The following FHOD3 variants were observed in gnomAD, a reference collection of about 807,000 sequenced individuals.
The protein encoded by FHOD3 is FH1/FH2 domain-containing protein 3.
In FHOD3, 90 loss-of-function variants were observed where a neutral mutation model predicts 173.0. The observed-to-expected ratio is 0.52, with a 90% CI of 0.44 to 0.62. The LOEUF is 0.62. FHOD3 is among the 20% of genes least tolerant of loss of function. The pLI, the probability that FHOD3 is intolerant of heterozygous loss-of-function variation, is 0.00. For missense variants in FHOD3, 1,945 were observed against 2,034.7 expected (o/e 0.96, Z 0.85); for synonymous variants, 828 against 823.0 (o/e 1.01, Z -0.10).
chr18:36,329,749 A>T (rs1052355324), intron 1 of FHOD3, among the ~76,000 whole-genome samples: 1 of 152,178 alleles, frequency 6.6e-6, no homozygotes, highest in African/African-American at 2.4e-5. Flanking sequence ...GCAATGCAAC[A>T]GATGTCTTGA....
intron 28 of FHOD3, among the ~76,000 whole-genome samples, chr18:36,773,175 C>T (rs1190494061): frequency 1.3e-5 from 2 of 152,212 alleles, no homozygotes; most frequent in Non-Finnish European, 2.9e-5. Context: ...CATTACATGG[C>T]TCTCTGGTGG....
intron 10 of FHOD3, among the ~76,000 whole-genome samples, chr18:36,627,878 G>C (rs1343053897): frequency 6.6e-6 from 1 of 152,130 alleles, no homozygotes; most frequent in African/African-American, 2.4e-5. Flanking sequence ...ATTGTGTTCT[G>C]TCCCCTGCAG....
chr18:36,364,366 C>A (rs916446210), intron 2 of FHOD3, among the ~76,000 whole-genome samples: 2 of 152,184 alleles, frequency 1.3e-5, no homozygotes, highest in Non-Finnish European at 2.9e-5. Flanking sequence ...TGTATCTCAG[C>A]CCCTAGAAAG....
chr18:36,619,667 A>G (rs1029901401), intron 9 of FHOD3, among the ~76,000 whole-genome samples: 1 of 152,248 alleles, frequency 6.6e-6, no homozygotes, highest in South Asian at 2.1e-4. Flanking sequence ...GCCAGGCACT[A>G]TTCTAGCCCT....
intron 1 of FHOD3, among the ~76,000 whole-genome samples, chr18:36,310,455 G>T (rs1389989344): frequency 1.3e-5 from 2 of 152,098 alleles, no homozygotes; most frequent in African/African-American, 4.8e-5. Flanking sequence ...GGAGGTTGAG[G>T]TGGGTGGATC....
intron 1 of FHOD3, among the ~76,000 whole-genome samples, chr18:36,351,889 T>A (rs1286110605): frequency 1.3e-5 from 2 of 152,164 alleles, no homozygotes; most frequent in Non-Finnish European, 2.9e-5. Flanking sequence ...ACTAGTACAT[T>A]CCCACCTCCT....
chr18:36,764,180 G>C (rs1009290489), intron 27 of FHOD3, among the ~76,000 whole-genome samples: 1 of 152,334 alleles, frequency 6.6e-6, no homozygotes, highest in South Asian at 2.1e-4. Flanking sequence ...ATTGGAGAGA[G>C]AGTGTGTGTA....
At chr18:36,473,545 G>T (rs1275310527) in intron 3 of FHOD3, among the ~76,000 whole-genome samples, 1 of 152,212 alleles carries the variant, frequency 6.6e-6, no homozygotes, top group Non-Finnish European at 1.5e-5. Flanking sequence ...CACAGCTAGG[G>T]CTAGAGCCCT....
At position 36,427,685 on chromosome 18, in the gene FHOD3, G is replaced by A. The variant is rs147146379; in HGVS notation, c.337+54941G>A. 7.4e-3 allele frequency among the ~76,000 whole-genome samples: 1,123 copies of A among 152,278 alleles called. 6 individuals carry two copies. Among genetic ancestry groups the A allele is most frequent in the African/African-American group, 0.025 (1,027 of 41,542 alleles). On this transcript the variant is annotated intron_variant, in intron 3 of 28. Transcript: ENST00000590592. ...ATGGCTTAAGGGTTCTTCATGGATC[G>A]AGAGACTGTTTTTTTCATGTCTGCA...
At position 36,709,283 on chromosome 18, in the gene FHOD3, G is replaced by C. The variant is rs1044726015; in HGVS notation, c.2425G>C (p.Glu809Gln). 1 of 1,614,246 alleles carries C rather than the reference G, an allele frequency of 6.2e-7. No individual in the cohort carries two copies. The highest frequency in any genetic ancestry group is 8.5e-7 in the Non-Finnish European group (1 of 1,180,046). Reference protein sequence around the residue: ...ASLSEKERQNEGVNERDNCSA... With the variant: ...ASLSEKERQNQGVNERDNCSA... Reference sequence around the variant, plus strand: ...CCTCAGTGAAAAAGAGAGGCAGAACGAGGGGGTGAACGAGAGGGACAACTG... The same window carrying C: ...CCTCAGTGAAAAAGAGAGGCAGAACCAGGGGGTGAACGAGAGGGACAACTG... Residue 809 changes from glutamate to glutamine, a missense_variant, in exon 18 of 29, where the codon GAG (glutamate) becomes CAG (glutamine). Physicochemically the swap from Glu to Gln is conservative, Grantham distance 29 (BLOSUM62 2). Transcript: ENST00000590592.
At chr18:36,564,392 A>C (rs1477804414) in intron 5 of FHOD3, among the ~76,000 whole-genome samples, 3 of 152,188 alleles carry the variant, frequency 2.0e-5, no homozygotes, top group Non-Finnish European at 4.4e-5. Context: ...CTTATCTAAA[A>C]TATGGGGGAC....
In FHOD3 at chr18:36,672,961, A is replaced by C. The variant is rs924735575; in HGVS notation, c.1836-8475A>C. Reference sequence around the variant, plus strand: ...TTAGTGCAACTGAAAAATCTAGTATATTTTAATCTCTCCTATTTGTCTTAG... The same window carrying C: ...TTAGTGCAACTGAAAAATCTAGTATCTTTTAATCTCTCCTATTTGTCTTAG... On this transcript the variant is annotated intron_variant, in intron 14 of 28. Coordinates refer to ENST00000590592, the MANE Select transcript of FHOD3 (RefSeq NM_001281740.3). 2.0e-5 allele frequency among the ~76,000 whole-genome samples: 3 copies of C among 152,216 alleles called. No individual in the cohort carries two copies. In the East Asian group the frequency reaches 5.8e-4, roughly 29 times the overall value.
At chr18:36,609,059 C>T (rs988895942) in intron 8 of FHOD3, among the ~76,000 whole-genome samples, 12 of 152,236 alleles carry the variant, frequency 7.9e-5, no homozygotes, top group East Asian at 1.9e-4. Context: ...TCCTTTAGGA[C>T]GGAATTTCCC....
intron 18 of FHOD3, chr18:36,710,172 G>A (rs536909294): frequency 8.5e-5 from 13 of 152,314 alleles, no homozygotes; most frequent in African/African-American, 2.6e-4. Context: ...GTGCCACAGA[G>A]GGTTATAGGA....
At chr18:36,457,454 C>T (rs995444779) in intron 3 of FHOD3, among the ~76,000 whole-genome samples, 14 of 152,006 alleles carry the variant, frequency 9.2e-5, no homozygotes, top group African/African-American at 3.1e-4. Context: ...CACAAGCTTC[C>T]GTACAGAACA....
At chr18:36,352,302 T>A (rs1035146093) in intron 1 of FHOD3, among the ~76,000 whole-genome samples, 4 of 152,072 alleles carry the variant, frequency 2.6e-5, no homozygotes, top group African/African-American at 9.7e-5. Context: ...TAAATAAGAA[T>A]TATAGAAACT....
At chr18:36,355,233 A>G (rs997813523) in intron 1 of FHOD3, among the ~76,000 whole-genome samples, 3 of 152,098 alleles carry the variant, frequency 2.0e-5, no homozygotes, top group Admixed American at 1.3e-4. Flanking sequence ...TTGAAATGCC[A>G]GGTCTCATCT....
chr18:36,700,798 A>G (rs2039541719), intron 17 of FHOD3, among the ~76,000 whole-genome samples: 1 of 152,194 alleles, frequency 6.6e-6, no homozygotes, highest in Admixed American at 6.5e-5. Context: ...CCACCCCCCA[A>G]CAAATGTTAT....
intron 20 of FHOD3, among the ~76,000 whole-genome samples, chr18:36,735,432 T>C (rs2041580898): frequency 6.6e-6 from 1 of 152,208 alleles, no homozygotes; most frequent in African/African-American, 2.4e-5. Context: ...GTTGAATTTA[T>C]TCACTATTAA....
Sources: allele counts gnomAD v4.1 joint callset (sites outside exome capture counted in the v4.1 genomes callset), GRCh38; gene constraint gnomAD v4.1.1; transcripts MANE v1.5; gene names NCBI Gene and HGNC (gene_info 2026-07-23, HGNC 2026-07-21).